KIAA1328: variants seen among roughly 807,000 people sequenced by gnomAD.
The protein encoded by KIAA1328 is protein hinderin.
A neutral mutation model predicts 68.1 loss-of-function variants in KIAA1328; 52 were observed. The observed-to-expected ratio is 0.76, with a 90% CI of 0.61 to 0.96. KIAA1328 has a LOEUF of 0.96. Among genes scored for constraint, KIAA1328 ranks in the 40% least tolerant of loss-of-function variants. The probability of loss-of-function intolerance (pLI) is 0.00; values close to 1 mark genes in which losing one functional copy is unlikely to be tolerated. For missense variants in KIAA1328, 641 were observed against 677.6 expected (o/e 0.95, Z 0.60); for synonymous variants, 232 against 239.4 (o/e 0.97, Z 0.28).
intron 6 of KIAA1328, among the ~76,000 whole-genome samples, chr18:36,970,257 C>G (rs77968062): frequency 1.3e-5 from 2 of 152,180 alleles, no homozygotes; most frequent in Admixed American, 1.3e-4. Context: ...AATCAACACC[C>G]CTTTATGCTA....
At chr18:36,969,947 A>G (rs1339147598) in intron 6 of KIAA1328, among the ~76,000 whole-genome samples, 1 of 152,174 alleles carries the variant, frequency 6.6e-6, no homozygotes. Flanking sequence ...CTCCTCCCTA[A>G]CTCATTTTGT....
At position 36,834,351 on chromosome 18, in the gene KIAA1328, TC is replaced by T; in HGVS notation, c.92del (p.Pro31GlnfsTer15). 1.3e-6 allele frequency: 2 copies of T among 1,576,552 alleles called. No homozygotes were observed. The highest frequency in any genetic ancestry group is 1.8e-5 in the Admixed American group (1 of 54,430). On this transcript the variant is annotated frameshift_variant, in exon 2 of 10. Transcript: ENST00000280020. LOFTEE classifies it high-confidence loss of function. ...ATGAAGAACAATCAGTAGTATACGT[TC>T]CAGGTATGATTTTCTATGTTAAAAT... ...SDEEQSVVYVPGISAEGNVRS... is the reference protein window; with the variant it reads ...SDEEQSVVYVXGISAEGNVRS...
In KIAA1328 at chr18:36,857,588, A is replaced by G. The variant is rs80076061; in HGVS notation, c.332+13286A>G. 7.5e-3 allele frequency among the ~76,000 whole-genome samples: 1,139 copies of G among 152,304 alleles called. 14 individuals carry two copies. Among genetic ancestry groups the G allele is most frequent in the African/African-American group, 0.026 (1,093 of 41,562 alleles). ...GTAAGTGGACAAGCGAAAGCACCAT[A>G]CCATCCTTTTACCAAAATTTCCCAG... On this transcript the variant is annotated intron_variant, in intron 4 of 9. Coordinates refer to ENST00000280020, the MANE Select transcript of KIAA1328 (RefSeq NM_020776.3).
chr18:37,215,173 C>T (rs2060402796), intron 9 of KIAA1328, among the ~76,000 whole-genome samples: 1 of 152,194 alleles, frequency 6.6e-6, no homozygotes, highest in South Asian at 2.1e-4. Context: ...CTGGCCAGAA[C>T]TTCCAACACT....
chr18:37,160,775 G>A (rs1012476848), intron 8 of KIAA1328, among the ~76,000 whole-genome samples: 1 of 152,188 alleles, frequency 6.6e-6, no homozygotes, highest in East Asian at 1.9e-4. Flanking sequence ...GGGGAGGGTG[G>A]AGGAGAGGTC....
intron 6 of KIAA1328, among the ~76,000 whole-genome samples, chr18:37,027,109 C>T (rs2054614739): frequency 6.6e-6 from 1 of 152,120 alleles, no homozygotes; most frequent in African/African-American, 2.4e-5. Flanking sequence ...GAGTGAACTC[C>T]TATTCACAAT....
intron 6 of KIAA1328, among the ~76,000 whole-genome samples, chr18:37,025,007 G>A (rs905243749): frequency 6.6e-5 from 10 of 152,080 alleles, no homozygotes; most frequent in African/African-American, 2.4e-4. Flanking sequence ...GTGTAAAAGT[G>A]TTCCTATTTC....
intron 5 of KIAA1328, among the ~76,000 whole-genome samples, chr18:36,951,148 A>T (rs1014982399): frequency 6.6e-6 from 1 of 152,122 alleles, no homozygotes; most frequent in Non-Finnish European, 1.5e-5. Flanking sequence ...TCCTTTCTCT[A>T]AGAGGCTTTC....
intron 1 of KIAA1328, among the ~76,000 whole-genome samples, chr18:36,832,233 T>C (rs1380703523): frequency 6.6e-6 from 1 of 152,164 alleles, no homozygotes; most frequent in Non-Finnish European, 1.5e-5. Flanking sequence ...AATATTGAAG[T>C]AGTTTGTTTA....
intron 7 of KIAA1328, among the ~76,000 whole-genome samples, chr18:37,094,162 A>T (rs1387882395): frequency 6.6e-6 from 1 of 152,148 alleles, no homozygotes; most frequent in Non-Finnish European, 1.5e-5. Context: ...TTGCGTTCCT[A>T]TGAGAGTCTA....
chr18:37,145,544 AAAG>A (rs1170504281), intron 7 of KIAA1328, among the ~76,000 whole-genome samples: 1 of 152,196 alleles, frequency 6.6e-6, no homozygotes, highest in African/African-American at 2.4e-5. Context: ...AACTGATAAA[AAAG>A]AAATGTTAAA....
At chr18:37,165,637 G>A (rs2059374320) in intron 8 of KIAA1328, among the ~76,000 whole-genome samples, 1 of 149,352 alleles carries the variant, frequency 6.7e-6, no homozygotes, top group Non-Finnish European at 1.5e-5. Flanking sequence ...TGTTTCCCAG[G>A]GTGGAGTGCA....
At chr18:37,027,539 A>C (rs1169646417) in intron 6 of KIAA1328, among the ~76,000 whole-genome samples, 1 of 152,246 alleles carries the variant, frequency 6.6e-6, no homozygotes, top group Non-Finnish European at 1.5e-5. Flanking sequence ...AATGCAACAG[A>C]ACAGAACCCT....
chr18:37,226,750 C>A (rs2154228075), downstream of KIAA1328, among the ~76,000 whole-genome samples: 1 of 132,740 alleles, frequency 7.5e-6, no homozygotes, highest in South Asian at 2.4e-4. Context: ...ATGAAGAATG[C>A]TGCCATGAAG....
At chr18:37,119,758 T>C (rs1489809639) in intron 7 of KIAA1328, among the ~76,000 whole-genome samples, 3 of 152,176 alleles carry the variant, frequency 2.0e-5, no homozygotes, top group Non-Finnish European at 2.9e-5. Context: ...ACAGTGGTCA[T>C]TTACAACAAT....
rs1194564124 is a variant in KIAA1328 at position 37,173,034 on chromosome 18, G to T, written c.1476G>T (p.Lys492Asn). Residue 492 changes from lysine (K) to asparagine (N), a missense_variant, in exon 9 of 10, where the codon AAG (lysine) becomes AAT (asparagine). Physicochemically the swap from Lys to Asn is moderately conservative, Grantham distance 94. Coordinates refer to ENST00000280020, the MANE Select transcript of KIAA1328 (RefSeq NM_020776.3). ...STSPMPTGSL[K>N]DFVTTASPSL... The stretch of plus-strand genomic sequence containing the variant: ...CTCCTATGCCAACAGGAAGCCTAAA[G>T]GATTTTGTCACCACAGCCTCACCAT... The T allele has an allele frequency of 6.2e-7, 1 of 1,613,646 alleles. No individual in the cohort carries two copies. Among genetic ancestry groups the T allele is most frequent in the South Asian group, 1.1e-5 (1 of 91,050 alleles).
intron 1 of KIAA1328, chr18:36,829,513 C>G: frequency 9.1e-7 from 1 of 1,102,626 alleles, no homozygotes; most frequent in Non-Finnish European, 1.1e-6. Flanking sequence ...TCCCTCTGCC[C>G]ACCCTGTCAG....
intron 6 of KIAA1328, among the ~76,000 whole-genome samples, chr18:37,042,528 TG>T (rs1413785711): frequency 6.6e-6 from 1 of 152,240 alleles, no homozygotes; most frequent in Non-Finnish European, 1.5e-5. Flanking sequence ...AATTCTTAGT[TG>T]ACAGTTTATT....
chr18:37,046,630 A>G (rs1376405984), intron 6 of KIAA1328, among the ~76,000 whole-genome samples: 1 of 152,222 alleles, frequency 6.6e-6, no homozygotes, highest in Non-Finnish European at 1.5e-5. Context: ...ACACCTTGGT[A>G]ACACTTCAGT....
Sources: gnomAD v4.1 joint callset for allele counts (sites outside exome capture counted in the v4.1 genomes callset) on GRCh38, gnomAD v4.1.1 for gene constraint, MANE v1.5 for transcripts, NCBI Gene and HGNC (gene_info 2026-07-23, HGNC 2026-07-21) for gene names.